The following SLC67A1 variants were observed in gnomAD, a reference collection of about 807,000 sequenced individuals.
The protein encoded by SLC67A1 is solute carrier family 67 member 1, also known as solute carrier family 67 member A1.
At chr11:2,900,192 G>A in the SLC67A1 span, among the ~76,000 whole-genome samples, 3 of 152,104 alleles carry the variant, frequency 2.0e-5, no homozygotes, top group East Asian at 5.8e-4. Flanking sequence ...TCTTGAAAAC[G>A]AGCTTGGCAG....
the SLC67A1 span, chr11:2,916,550 G>A: frequency 4.4e-6 from 5 of 1,135,534 alleles, no homozygotes; most frequent in Non-Finnish European, 5.2e-6. Context: ...CAAAGGTGCA[G>A]GTTGGGGGAT....
At chr11:2,923,536 G>A in the SLC67A1 span, among the ~76,000 whole-genome samples, 1 of 152,228 alleles carries the variant, frequency 6.6e-6, no homozygotes, top group Non-Finnish European at 1.5e-5. This position sits in a 1 kb window ranked among gnomAD's most constrained non-coding sequence, Gnocchi z 6.5. Flanking sequence ...AGGCCCGGAT[G>A]TGGCCGGGCT....
chr11:2,922,214 C>T, the SLC67A1 span: 63 of 1,609,140 alleles, frequency 3.9e-5, no homozygotes, highest in Admixed American at 6.8e-4. Flanking sequence ...GTGAGGGCTC[C>T]CCGCTTTGGG....
chr11:2,909,695 T>C, the SLC67A1 span: 1 of 1,539,736 alleles, frequency 6.5e-7, no homozygotes, highest in Non-Finnish European at 8.7e-7. Flanking sequence ...GGCGGGACCC[T>C]GGTCTCCGCG....
the SLC67A1 span, among the ~76,000 whole-genome samples, chr11:2,900,895 C>A: frequency 6.6e-6 from 1 of 152,114 alleles, no homozygotes; most frequent in Non-Finnish European, 1.5e-5. Flanking sequence ...TCCTTCTGGG[C>A]ATGGAGCAGG....
the SLC67A1 span, chr11:2,903,383 C>T: frequency 6.2e-7 from 1 of 1,612,916 alleles, no homozygotes; most frequent in Admixed American, 1.7e-5. Context: ...CAGGGCCGGT[C>T]CCCCGGCAGG....
the SLC67A1 span, among the ~76,000 whole-genome samples, chr11:2,900,565 C>T: frequency 4.9e-4 from 75 of 151,602 alleles, no homozygotes; most frequent in Middle Eastern, 6.8e-3. Flanking sequence ...CTGTGGCGGG[C>T]GCCTGTAGTC....
the SLC67A1 span, chr11:2,920,328 C>T: frequency 1.3e-5 from 2 of 152,336 alleles, no homozygotes; most frequent in Non-Finnish European, 2.9e-5. Context: ...AACAGAAAAA[C>T]AACAGCAACA....
At chr11:2,903,376 G>C in the SLC67A1 span, 12 of 1,612,874 alleles carry the variant, frequency 7.4e-6, no homozygotes, top group Non-Finnish European at 9.3e-6. Context: ...CAGGGACCAG[G>C]GCCGGTCCCC....
chr11:2,902,484 C>CT, the SLC67A1 span: 1 of 679,636 alleles, frequency 1.5e-6, no homozygotes, highest in South Asian at 6.6e-5. Context: ...GCCCTGCTCC[C>CT]CCCAGCCTCC....
At chr11:2,917,627 G>A in the SLC67A1 span, among the ~76,000 whole-genome samples, 2 of 152,246 alleles carry the variant, frequency 1.3e-5, no homozygotes, top group Non-Finnish European at 1.5e-5. Context: ...CAGGCCCCAG[G>A]CCAGGACCAT....
chr11:2,903,398 G>A, the SLC67A1 span: 6 of 1,613,104 alleles, frequency 3.7e-6, no homozygotes, highest in South Asian at 4.4e-5. Flanking sequence ...GGCAGGATGA[G>A]CGCTCTAGGC....
chr11:2,909,936 G>A, the SLC67A1 span: 1 of 480,570 alleles, frequency 2.1e-6, no homozygotes, highest in Non-Finnish European at 3.6e-6. Context: ...TGTCCGGGGC[G>A]CGACTGGACT....
At chr11:2,907,221 C>T in the SLC67A1 span, among the ~76,000 whole-genome samples, 2 of 137,486 alleles carry the variant, frequency 1.5e-5, no homozygotes, top group African/African-American at 5.6e-5. This position sits in a 1 kb window ranked among gnomAD's most constrained non-coding sequence, Gnocchi z 6.7. Context: ...GGGGAGGGGG[C>T]GGGGGCGGTG....
At chr11:2,912,263 A>C in the SLC67A1 span, among the ~76,000 whole-genome samples, 5 of 152,020 alleles carry the variant, frequency 3.3e-5, no homozygotes, top group Non-Finnish European at 5.9e-5. Flanking sequence ...AGGGTGAGGG[A>C]GGCCCACACC....
the SLC67A1 span, among the ~76,000 whole-genome samples, chr11:2,912,476 T>G: frequency 6.6e-6 from 1 of 152,210 alleles, no homozygotes; most frequent in African/African-American, 2.4e-5. Flanking sequence ...TTCCTGCCCT[T>G]CCTTGATGGA....
At chr11:2,904,261 G>C in the SLC67A1 span, among the ~76,000 whole-genome samples, 2 of 152,224 alleles carry the variant, frequency 1.3e-5, no homozygotes, top group Non-Finnish European at 2.9e-5. Flanking sequence ...GGCTCAGACA[G>C]CTGCCCTCCT....
At chr11:2,904,365 G>A in the SLC67A1 span, among the ~76,000 whole-genome samples, 3 of 152,324 alleles carry the variant, frequency 2.0e-5, no homozygotes, top group Admixed American at 2.0e-4. Flanking sequence ...CTCCCAGCCC[G>A]AGGGTGAGCC....
the SLC67A1 span, among the ~76,000 whole-genome samples, chr11:2,905,281 G>A: frequency 6.6e-6 from 1 of 152,150 alleles, no homozygotes; most frequent in African/African-American, 2.4e-5. Flanking sequence ...GAGGGGCAAA[G>A]GACCCAGCAC....
Sources: gnomAD v4.1 joint callset for allele counts (sites outside exome capture counted in the v4.1 genomes callset) on GRCh38, gnomAD v4.1.1 for gene constraint, Gnocchi (gnomAD v3.1) non-coding constraint, MANE v1.5 for transcripts, NCBI Gene and HGNC (gene_info 2026-07-23, HGNC 2026-07-21) for gene names.